HECW2: variants seen among roughly 807,000 people sequenced by gnomAD.
The protein encoded by HECW2 is E3 ubiquitin-protein ligase HECW2.
Under a neutral mutation model 175.2 loss-of-function variants are expected in HECW2, and 61 were observed. The ratio of observed to expected loss-of-function variants is 0.35; its 90% CI spans 0.28 to 0.43. The LOEUF is 0.43. Ranked by LOEUF, HECW2 falls within the 20% of genes least tolerant of loss-of-function variation. The pLI, the probability that HECW2 is intolerant of heterozygous loss-of-function variation, is 1.00. For synonymous variants in HECW2, 671 were observed against 731.0 expected, an observed-to-expected ratio of 0.92 and a Z score of 1.32; for missense variants, 1,524 against 2,000.5, an observed-to-expected ratio of 0.76 and a Z score of 4.54.
intron 2 of HECW2, among the ~76,000 whole-genome samples, chr2:196,396,516 T>C (rs1352545247): frequency 1.3e-5 from 2 of 152,244 alleles, no homozygotes; most frequent in Non-Finnish European, 2.9e-5. Flanking sequence ...TACACATTTC[T>C]GGTTGCAACA....
chr2:196,534,748 T>C (rs954614874), intron 1 of HECW2, among the ~76,000 whole-genome samples: 4 of 152,202 alleles, frequency 2.6e-5, no homozygotes, highest in Non-Finnish European at 4.4e-5. Flanking sequence ...AGCACTTCCA[T>C]TGTCAGTCTC....
At chr2:196,281,763 C>T (rs1690198836) in intron 14 of HECW2, among the ~76,000 whole-genome samples, 1 of 151,288 alleles carries the variant, frequency 6.6e-6, no homozygotes, top group African/African-American at 2.4e-5. Context: ...TTAAAAATCC[C>T]ATTGTAAATG....
At chr2:196,322,015 T>C (rs1691961500) in intron 7 of HECW2, among the ~76,000 whole-genome samples, 1 of 152,246 alleles carries the variant, frequency 6.6e-6, no homozygotes, top group Non-Finnish European at 1.5e-5. Context: ...TGAATGAATG[T>C]ATATGTCTAG....
intron 17 of HECW2, among the ~76,000 whole-genome samples, chr2:196,269,863 A>T (rs982623231): frequency 5.3e-5 from 8 of 152,202 alleles, no homozygotes; most frequent in Admixed American, 4.6e-4. Context: ...AATTATACAG[A>T]GAGGTTTTGA....
intron 1 of HECW2, among the ~76,000 whole-genome samples, chr2:196,435,525 C>T (rs1695843026): frequency 6.6e-6 from 1 of 152,150 alleles, no homozygotes. Context: ...GGCCACAACC[C>T]TTATAGCTTA....
intron 1 of HECW2, among the ~76,000 whole-genome samples, chr2:196,553,812 T>C (rs951296417): frequency 6.6e-6 from 1 of 152,234 alleles, no homozygotes; most frequent in Non-Finnish European, 1.5e-5. Context: ...TAAAACACCA[T>C]TAACTTGAGC....
intron 1 of HECW2, among the ~76,000 whole-genome samples, chr2:196,481,472 T>C (rs1686841393): frequency 1.3e-5 from 2 of 152,206 alleles, no homozygotes; most frequent in Non-Finnish European, 2.9e-5. Context: ...TGTGGACTCA[T>C]TCACAGTGGA....
intron 1 of HECW2, among the ~76,000 whole-genome samples, chr2:196,543,582 T>C (rs1487110927): frequency 6.6e-6 from 1 of 152,138 alleles, no homozygotes; most frequent in African/African-American, 2.4e-5. Flanking sequence ...CTGTTCATAT[T>C]CTAAGGCATG....
chr2:196,379,671 C>T (rs1196644566), intron 2 of HECW2, among the ~76,000 whole-genome samples: 6 of 118,934 alleles, frequency 5.0e-5, no homozygotes, highest in Admixed American at 2.0e-4. Flanking sequence ...GGCGACAGAG[C>T]AATACTCCGT....
intron 24 of HECW2, 143 bp from the exon 25 acceptor site, chr2:196,221,084 G>C (rs1687649283): frequency 1.3e-6 from 1 of 775,486 alleles, no homozygotes; most frequent in South Asian, 1.7e-5. Context: ...TGAGGCCCCA[G>C]GCACTCACGG....
intron 1 of HECW2, among the ~76,000 whole-genome samples, chr2:196,455,332 C>T (rs1696474521): frequency 6.6e-6 from 1 of 152,180 alleles, no homozygotes; most frequent in East Asian, 1.9e-4. Context: ...ATGCCCGGCC[C>T]CTTTTACTTA....
intron 1 of HECW2, among the ~76,000 whole-genome samples, chr2:196,561,895 T>G (rs146814590): frequency 6.6e-6 from 1 of 152,300 alleles, no homozygotes; most frequent in Non-Finnish European, 1.5e-5. Flanking sequence ...GTTTACCAAA[T>G]AAGTGGTCTG....
chr2:196,459,972 G>A (rs1361701144), intron 1 of HECW2, among the ~76,000 whole-genome samples: 3 of 152,106 alleles, frequency 2.0e-5, no homozygotes, highest in Admixed American at 6.5e-5. Flanking sequence ...TACAGAACAC[G>A]AATATTCCTC....
At chr2:196,545,235 G>A (rs1689371117) in intron 1 of HECW2, among the ~76,000 whole-genome samples, 1 of 152,172 alleles carries the variant, frequency 6.6e-6, no homozygotes, top group Non-Finnish European at 1.5e-5. Context: ...CCCATGATGA[G>A]AACTTATAAT....
chr2:196,593,212 G>C (rs1357225289), intron 1 of HECW2, among the ~76,000 whole-genome samples: 1 of 151,508 alleles, frequency 6.6e-6, no homozygotes, highest in South Asian at 2.1e-4. Flanking sequence ...CGCGCGACCC[G>C]CCGATTGTGT....
chr2:196,282,723 T>G (rs999720487), intron 14 of HECW2, among the ~76,000 whole-genome samples: 7 of 152,196 alleles, frequency 4.6e-5, no homozygotes, highest in African/African-American at 1.4e-4. Flanking sequence ...TCAGAGAGAA[T>G]AGACTGTAAA....
chr2:196,278,132 A>ATGT lies in HECW2; in HGVS notation c.3135+395_3135+396insACA, dbSNP rs372398257. Among the ~76,000 whole-genome samples, 8 of 87,632 alleles carry ATGT rather than the reference A, an allele frequency of 9.1e-5. 1 individual carries two copies. Among genetic ancestry groups the ATGT allele is most frequent in the African/African-American group, 2.5e-4 (8 of 32,088 alleles). 57.5% of individuals were successfully genotyped at this position (87,632 alleles called of 152,430 possible). A position where few individuals can be genotyped will look rare whatever the true frequency, so the allele number is the denominator to read the frequency against. ...CCCTAGAACTTAAAGTATAATTAAA[A>ATGT]AATATATATATATATATATAAAGAA... On this transcript the variant is annotated intron_variant, in intron 15 of 28. Coordinates refer to ENST00000644978, the MANE Select transcript of HECW2 (RefSeq NM_001348768.2).
chr2:196,586,659 A>T (rs6716358), intron 1 of HECW2: 123,550 of 151,582 alleles, frequency 0.82, 50,701 homozygotes, highest in East Asian at 0.96. Context: ...TCATGAAGCC[A>T]TCACCTTATC....
intron 10 of HECW2, among the ~76,000 whole-genome samples, chr2:196,314,499 T>C (rs1691617334): frequency 6.6e-6 from 1 of 152,214 alleles, no homozygotes. Context: ...AGAGGGAATA[T>C]TTGAGACTCT....
Sources: gnomAD v4.1 joint callset for allele counts (sites outside exome capture counted in the v4.1 genomes callset) on GRCh38, gnomAD v4.1.1 for gene constraint, MANE v1.5 for transcripts, NCBI Gene and HGNC (gene_info 2026-07-23, HGNC 2026-07-21) for gene names.